The following CCDC159 variants were observed in gnomAD, a reference collection of about 807,000 sequenced individuals.
CCDC159 encodes coiled-coil domain-containing protein 159.
Under a neutral mutation model 50.9 loss-of-function variants are expected in CCDC159, and 40 were observed. The ratio of observed to expected loss-of-function variants is 0.79; its 90% CI spans 0.61 to 1.02. The LOEUF (loss-of-function observed/expected upper bound fraction) is 1.02, where lower values mean the gene tolerates loss of function less well. Ranked by LOEUF, CCDC159 falls within the 50% of genes least tolerant of loss-of-function variation. CCDC159 has a pLI of 0.00. For missense variants in CCDC159, 356 were observed against 371.5 expected, an observed-to-expected ratio of 0.96 and a Z score of 0.34; for synonymous variants, 146 against 138.9, an observed-to-expected ratio of 1.05 and a Z score of -0.36.
chr19:11,348,391 T>A (rs1237985151), intron 1 of CCDC159, among the ~76,000 whole-genome samples: 1 of 152,070 alleles, frequency 6.6e-6, no homozygotes, highest in Non-Finnish European at 1.5e-5. Flanking sequence ...CGGGTTCAAG[T>A]GATTCTCCTG....
At chr19:11,349,803 A>G in intron 2 of CCDC159, 116 bp downstream of exon 2, 2 of 1,191,600 alleles carry the variant, frequency 1.7e-6, no homozygotes, top group Non-Finnish European at 1.2e-6. Flanking sequence ...ACTCCTGCCC[A>G]AGGCTGAGTG....
intron 1 of CCDC159, 141 bp from the exon 2 acceptor site, chr19:11,349,513 G>A: frequency 9.7e-7 from 1 of 1,032,430 alleles, no homozygotes; most frequent in Non-Finnish European, 1.5e-6. Flanking sequence ...TGCCTGGAGT[G>A]CAGCTTTGCC....
Position 11,354,692 on chromosome 19 carries a change from A to T in CCDC159, c.885A>T (p.Pro295=). The T allele has an allele frequency of 6.2e-7, 1 of 1,604,824 alleles. No homozygotes were observed. Residue 295 remains proline, a synonymous_variant, in exon 10 of 11, where the codon CCA becomes CCT. Transcript: ENST00000458408. ...TCAGCAAGAGCGGCCGCTCCTTCCC[A>T]CCCGGTGCAGATCCTCCCCAGTCCC... ...PPFSKSGRSF[P]PA
chr19:11,347,299 G>T (rs377119730), intron 1 of CCDC159, among the ~76,000 whole-genome samples: 26 of 152,256 alleles, frequency 1.7e-4, no homozygotes, highest in African/African-American at 6.0e-4. Flanking sequence ...GATTAAGGAA[G>T]ATTTTACTGA....
In CCDC159 at chr19:11,354,589, G is replaced by C; in HGVS notation, c.782G>C (p.Gly261Ala). 1 of 1,571,156 alleles carries C rather than the reference G, an allele frequency of 6.4e-7. No individual in the cohort carries two copies. Among genetic ancestry groups the C allele is most frequent in the Non-Finnish European group, 8.7e-7 (1 of 1,152,252 alleles). The change falls in exon 10 of 11, where the codon GGG becomes GCG. Residue 261 changes from glycine (G) to alanine (A), a missense_variant. Physicochemically the swap from Gly to Ala is moderately conservative, Grantham distance 60. Transcript: ENST00000458408. ...CCTGTCCCTCCTGCAGGCCACAAGG[G>C]GCACCAGTGCCTGAGCCCTCCACTC... ...PKASSLRGHK[G>A]HQCLSPPLPS...
intron 5 of CCDC159, 190 bp downstream of exon 5, chr19:11,351,193 T>C (rs1182642269): frequency 3.3e-6 from 2 of 598,582 alleles, no homozygotes; most frequent in Non-Finnish European, 5.6e-6. Flanking sequence ...TCCCAGCACT[T>C]TGGGAAGCCG....
Position 11,349,645 on chromosome 19 carries a change from C to T in CCDC159, c.22-9C>T, listed in dbSNP as rs1967460889. 1.9e-6 allele frequency: 3 copies of T among 1,613,304 alleles called. No individual in the cohort carries two copies. The highest frequency in any genetic ancestry group is 2.2e-5 in the East Asian group (1 of 44,880). ...AAATTTCTACTCCCATCTCATCTCT[C>T]TTCCTTAGAAGCCCTTGGAGACCAG... On this transcript the variant is annotated splice_polypyrimidine_tract_variant and intron_variant, in intron 1 of 10. Transcript: ENST00000458408.
intron 4 of CCDC159, among the ~76,000 whole-genome samples, chr19:11,350,447 G>A (rs1056888207): frequency 6.6e-6 from 1 of 151,200 alleles, no homozygotes; most frequent in Non-Finnish European, 1.5e-5. Flanking sequence ...GAGGTCAGGA[G>A]TTCGAGACCA....
chr19:11,350,489 C>T (rs1274017933), intron 4 of CCDC159, among the ~76,000 whole-genome samples: 1 of 150,756 alleles, frequency 6.6e-6, no homozygotes, highest in Non-Finnish European at 1.5e-5. Context: ...CCCATCTCTA[C>T]TAACAATACA....
intron 1 of CCDC159, among the ~76,000 whole-genome samples, chr19:11,347,409 C>A (rs1016125605): frequency 1.2e-4 from 18 of 152,244 alleles, no homozygotes; most frequent in Non-Finnish European, 2.1e-4. Flanking sequence ...CGGCTCACTG[C>A]AACCTCCGCC....
rs780816577 is a variant in CCDC159, at chr19:11,349,657, C to A, written c.25C>A (p.Pro9Thr). Residue 9 changes from proline to threonine, a missense_variant, in exon 2 of 11, where the codon CCC becomes ACC. Transcript: ENST00000458408. The stretch of plus-strand genomic sequence containing the variant: ...CCATCTCATCTCTCTTCCTTAGAAG[C>A]CCTTGGAGACCAGCTCTTCCAAAGT... MGEHEQVK[P>T]LETSSSKVKA... 9.3e-6 allele frequency: 15 copies of A among 1,613,168 alleles called. No homozygotes were observed. The highest frequency in any genetic ancestry group is 1.3e-5 in the Non-Finnish European group (15 of 1,179,462).
Position 11,349,688 on chromosome 19 carries a change from G to A in CCDC159, c.55+1G>A, listed in dbSNP as rs776002950. On this transcript the variant is annotated splice_donor_variant, in intron 2 of 10. Coordinates refer to ENST00000458408, the MANE Select transcript of CCDC159 (RefSeq NM_001080503.3). LOFTEE classifies it high-confidence loss of function. Reference sequence around the variant, plus strand: ...GAGACCAGCTCTTCCAAAGTCAAAGGTGAGAAATCTCCTTTCCAACAAAAC... The same window carrying A: ...GAGACCAGCTCTTCCAAAGTCAAAGATGAGAAATCTCCTTTCCAACAAAAC... The A allele has an allele frequency of 1.2e-6, 2 of 1,603,324 alleles. No homozygotes were observed. Among genetic ancestry groups the A allele is most frequent in the African/African-American group, 1.3e-5 (1 of 74,792 alleles).
chr19:11,349,875 G>T, intron 2 of CCDC159, 63 bp from the exon 3 acceptor site: 2 of 1,497,668 alleles, frequency 1.3e-6, no homozygotes, highest in Non-Finnish European at 1.9e-6. Flanking sequence ...GCTGACCTCT[G>T]CCCTGCCCTT....
rs766058193 is a variant in CCDC159 at position 11,350,930 on chromosome 19, C to G, written c.349C>G (p.Arg117Gly). 3.2e-6 allele frequency: 5 copies of G among 1,553,908 alleles called. No homozygotes were observed. Among genetic ancestry groups the G allele is most frequent in the Admixed American group, 2.0e-5 (1 of 51,232 alleles). Residue 117 changes from arginine to glycine, a missense_variant, in exon 5 of 11, where the codon CGT (arginine) becomes GGT (glycine). Physicochemically the swap from Arg to Gly is moderately radical, Grantham distance 125. Coordinates refer to ENST00000458408, the MANE Select transcript of CCDC159 (RefSeq NM_001080503.3). ...QGLQGLEKTL[R>G]DSEEMQRART... The stretch of plus-strand genomic sequence containing the variant: ...CCTTCAGGGGCTGGAGAAGACCCTG[C>G]GTGACAGTGAGGAGATGCAGCGGGC...
intron 1 of CCDC159, among the ~76,000 whole-genome samples, chr19:11,347,566 G>T (rs1967321582): frequency 6.6e-6 from 1 of 152,180 alleles, no homozygotes; most frequent in South Asian, 2.1e-4. Flanking sequence ...CTGACCTCAG[G>T]TGATCCACCT....
At chr19:11,349,256 G>T (rs1199315979) in intron 1 of CCDC159, 7 of 1,073,150 alleles carry the variant, frequency 6.5e-6, no homozygotes, top group Non-Finnish European at 8.7e-6. Flanking sequence ...CTGCTGTGGG[G>T]CTTAGGGAAG....
chr19:11,352,091 G>A lies in CCDC159; in HGVS notation c.525G>A (p.Val175=). 6 of 1,613,764 alleles carry A rather than the reference G, an allele frequency of 3.7e-6. No individual in the cohort carries two copies. Among genetic ancestry groups the A allele is most frequent in the Non-Finnish European group, 4.2e-6 (5 of 1,179,806 alleles). The change falls in exon 7 of 11, where the codon GTG becomes GTA. Residue 175 remains valine, a synonymous_variant. Coordinates refer to ENST00000458408, the MANE Select transcript of CCDC159 (RefSeq NM_001080503.3). ...AGGATGAGATCTCAGAGAACTTGGT[G>A]AACATTCAGAAAATGCAGAAAACGC... The part of the protein sequence containing the change: ...AQEDEISENL[V]NIQKMQKTQV...
intron 1 of CCDC159, among the ~76,000 whole-genome samples, chr19:11,347,479 C>T (rs572043090): frequency 7.9e-5 from 12 of 152,222 alleles, no homozygotes; most frequent in East Asian, 5.8e-4. Context: ...TACAGGCATG[C>T]GCCACCACGC....
In CCDC159 at chr19:11,349,062, G is replaced by GGACTGCA. The variant is rs1433561652; in HGVS notation, c.22-583_22-577dup. ...TGCCCTGCTTCTGGGGACACAGTGA[G>GGACTGCA]GACTGCAGACTGCAGGCCAGGGTGG... On this transcript the variant is annotated intron_variant, in intron 1 of 10. Transcript: ENST00000458408. 3.7e-6 allele frequency: 5 copies of GGACTGCA among 1,343,702 alleles called. No individual in the cohort carries two copies. The African/African-American group carries it at 7.4e-5, about 20-fold the overall frequency. 83.2% of individuals were successfully genotyped at this position (1,343,702 alleles called of 1,614,324 possible).
Sources: gnomAD v4.1 joint callset for allele counts (sites outside exome capture counted in the v4.1 genomes callset) on GRCh38, gnomAD v4.1.1 for gene constraint, MANE v1.5 for transcripts, NCBI Gene and HGNC (gene_info 2026-07-23, HGNC 2026-07-21) for gene names.